The following TSPAN15 variants were observed in gnomAD, a reference collection of about 807,000 sequenced individuals.
The protein encoded by TSPAN15 is tetraspanin 15.
Under a neutral mutation model 34.5 loss-of-function variants are expected in TSPAN15, and 20 were observed. That is an observed-to-expected ratio of 0.58 (90% CI 0.41 to 0.84). The LOEUF is 0.84. Ranked by LOEUF, TSPAN15 falls within the 40% of genes least tolerant of loss-of-function variation. TSPAN15 has a pLI of 0.00. For synonymous variants in TSPAN15, 155 were observed against 153.9 expected, an observed-to-expected ratio of 1.01 and a Z score of -0.05; for missense variants, 313 against 386.1, an observed-to-expected ratio of 0.81 and a Z score of 1.59.
the TSPAN15 span, among the ~76,000 whole-genome samples, chr10:69,528,070 C>T: frequency 6.8e-5 from 10 of 147,924 alleles, no homozygotes; most frequent in African/African-American, 1.5e-4. Flanking sequence ...TCATGCTATC[C>T]GCCCGGATCC....
Position 69,451,688 on chromosome 10 carries a change from TG to T in TSPAN15, c.96+1del. 6.6e-7 allele frequency: 1 copy of T among 1,514,528 alleles called. No homozygotes were observed. The highest frequency in any genetic ancestry group is 2.2e-5 in the Admixed American group (1 of 46,002). The allele number at this position is 1,514,528 out of a possible 1,614,324, so 93.8% of individuals were successfully genotyped here. The stretch of plus-strand genomic sequence containing the variant: ...ACTTATCATCTATTCCACCGTGTTC[TG>T]GGTGAGTGACCCCAGTAGGGCCCGG... Reference protein sequence around the residue: ...FSLIIYSTVFWLIGALVLSVG... With the variant: ...FSLIIYSTVFXLIGALVLSVG... On this transcript the variant is annotated frameshift_variant and splice_region_variant, in exon 1 of 8. Coordinates refer to ENST00000373290, the MANE Select transcript of TSPAN15 (RefSeq NM_012339.5). LOFTEE classifies it high-confidence loss of function.
chr10:69,513,204 A>G, the TSPAN15 span, among the ~76,000 whole-genome samples: 1 of 152,158 alleles, frequency 6.6e-6, no homozygotes, highest in Non-Finnish European at 1.5e-5. Context: ...TCGTAGACAT[A>G]TTTGCCATCC....
chr10:69,489,111 T>G (rs1335964975), intron 3 of TSPAN15, among the ~76,000 whole-genome samples: 3 of 152,128 alleles, frequency 2.0e-5, no homozygotes, highest in Non-Finnish European at 4.4e-5. Flanking sequence ...GACCTCCCCC[T>G]AGGAATGCAG....
chr10:69,491,913 C>G (rs1274670907), intron 3 of TSPAN15, among the ~76,000 whole-genome samples: 1 of 152,220 alleles, frequency 6.6e-6, no homozygotes, highest in Admixed American at 6.5e-5. Flanking sequence ...CCACATGCCT[C>G]ACCCCCTTCA....
At chr10:69,475,072 T>C (rs185640237) in intron 1 of TSPAN15, among the ~76,000 whole-genome samples, 1 of 151,946 alleles carries the variant, frequency 6.6e-6, no homozygotes, top group Admixed American at 6.6e-5. Flanking sequence ...TTCAGACACA[T>C]GGAAGGTGGG....
At chr10:69,463,847 G>A (rs1345922481) in intron 1 of TSPAN15, among the ~76,000 whole-genome samples, 2 of 151,542 alleles carry the variant, frequency 1.3e-5, no homozygotes, top group African/African-American at 2.4e-5. Context: ...GTATGTTTAG[G>A]TCCTAGAACC....
At chr10:69,470,380 T>G (rs1281512696) in intron 1 of TSPAN15, among the ~76,000 whole-genome samples, 1 of 152,188 alleles carries the variant, frequency 6.6e-6, no homozygotes, top group African/African-American at 2.4e-5. Context: ...AACACCCTGG[T>G]GAAAGAACTT....
chr10:69,465,688 G>A (rs1246823191), intron 1 of TSPAN15, among the ~76,000 whole-genome samples: 3 of 146,622 alleles, frequency 2.0e-5, no homozygotes, highest in Non-Finnish European at 3.0e-5. Flanking sequence ...CTAGAGGTGG[G>A]GTGTGAAGCC....
At chr10:69,513,119 C>T in the TSPAN15 span, among the ~76,000 whole-genome samples, 12 of 152,288 alleles carry the variant, frequency 7.9e-5, no homozygotes, top group Admixed American at 7.9e-4. Flanking sequence ...TTTTCTTAGT[C>T]ATGCTAATGG....
intron 1 of TSPAN15, 47 bp from the exon 2 acceptor site, chr10:69,483,644 A>C: frequency 6.3e-7 from 1 of 1,577,926 alleles, no homozygotes; most frequent in Non-Finnish European, 8.6e-7. Context: ...GCTGTAGAAA[A>C]TCAAGTGACC....
the TSPAN15 span, among the ~76,000 whole-genome samples, chr10:69,539,432 G>GA: frequency 7.6e-6 from 1 of 131,038 alleles, no homozygotes; most frequent in African/African-American, 3.1e-5. Context: ...GAAGAAAGAA[G>GA]AAGAAGAAGG....
chr10:69,508,608 A>G (rs1444620997), downstream of TSPAN15, among the ~76,000 whole-genome samples: 1 of 152,112 alleles, frequency 6.6e-6, no homozygotes, highest in African/African-American at 2.4e-5. Context: ...GGGCAGGAGG[A>G]GGGTATTTTA....
At chr10:69,509,722 A>G (rs1842396469), downstream of TSPAN15, among the ~76,000 whole-genome samples, 1 of 152,144 alleles carries the variant, frequency 6.6e-6, no homozygotes. Flanking sequence ...TTTAGGTCTT[A>G]TGTTTAAATC....
chr10:69,486,710 T>C (rs1301697847), intron 3 of TSPAN15, among the ~76,000 whole-genome samples: 1 of 152,226 alleles, frequency 6.6e-6, no homozygotes, highest in South Asian at 2.1e-4. Flanking sequence ...TGTGAAAATG[T>C]TCATGGGAGT....
chr10:69,461,178 T>C (rs948864346), intron 1 of TSPAN15, among the ~76,000 whole-genome samples: 4 of 152,204 alleles, frequency 2.6e-5, no homozygotes, highest in African/African-American at 9.7e-5. Flanking sequence ...CCATGTGCCT[T>C]GTCCCATTTT....
the TSPAN15 span, among the ~76,000 whole-genome samples, chr10:69,540,450 G>T: frequency 2.0e-5 from 3 of 152,172 alleles, no homozygotes. Flanking sequence ...TAGTCGTTTG[G>T]CCACTGCTTG....
chr10:69,462,536 C>T (rs1048294222), intron 1 of TSPAN15, among the ~76,000 whole-genome samples: 4 of 151,442 alleles, frequency 2.6e-5, no homozygotes, highest in Non-Finnish European at 4.4e-5. Context: ...AGGGTTTCAC[C>T]ATGTTAGCCA....
intron 1 of TSPAN15, among the ~76,000 whole-genome samples, chr10:69,454,542 C>T (rs1165955179): frequency 6.6e-6 from 1 of 152,080 alleles, no homozygotes; most frequent in Non-Finnish European, 1.5e-5. Flanking sequence ...ATTGACCAGG[C>T]ATTGTGGCTC....
intron 1 of TSPAN15, among the ~76,000 whole-genome samples, chr10:69,460,299 C>A (rs950070152): frequency 6.6e-6 from 1 of 152,120 alleles, no homozygotes; most frequent in Admixed American, 6.5e-5. Context: ...CCAGGCAGGC[C>A]GTCTGAGAAG....
Sources: allele counts gnomAD v4.1 joint callset (sites outside exome capture counted in the v4.1 genomes callset), GRCh38; gene constraint gnomAD v4.1.1; transcripts MANE v1.5; gene names NCBI Gene and HGNC (gene_info 2026-07-23, HGNC 2026-07-21).